KLRG2: variants seen among roughly 807,000 people sequenced by gnomAD.
KLRG2 encodes killer cell lectin-like receptor subfamily G member 2.
KLRG2 carries 39 observed loss-of-function variants against 35.4 expected under a neutral mutation model. The observed-to-expected ratio is 1.10, with a 90% CI of 0.85 to 1.44. The LOEUF (loss-of-function observed/expected upper bound fraction) is 1.44, where lower values mean the gene tolerates loss of function less well. Ranked by LOEUF, KLRG2 falls within the 40% of genes most tolerant of loss-of-function variation. The probability of loss-of-function intolerance (pLI) is 0.00; values close to 1 mark genes in which losing one functional copy is unlikely to be tolerated. For missense variants in KLRG2, 632 were observed against 570.9 expected, an observed-to-expected ratio of 1.11 and a Z score of -1.09; for synonymous variants, 283 against 265.8, an observed-to-expected ratio of 1.06 and a Z score of -0.63.
the KLRG2 span, among the ~76,000 whole-genome samples, chr7:139,434,173 A>G: frequency 0.018 from 2,683 of 152,328 alleles, 81 homozygotes; most frequent in African/African-American, 0.061. Flanking sequence ...GAGAATCACT[A>G]AAGTGTTTCT....
chr7:139,446,460 G>C, the KLRG2 span, among the ~76,000 whole-genome samples: 16 of 146,878 alleles, frequency 1.1e-4, no homozygotes, highest in Non-Finnish European at 2.2e-4. Context: ...AGTGATTCTC[G>C]TGCCTCAGCC....
chr7:139,469,451 C>T (rs543440163), intron 3 of KLRG2, among the ~76,000 whole-genome samples: 5 of 152,210 alleles, frequency 3.3e-5, no homozygotes, highest in South Asian at 4.1e-4. Context: ...TGAGCCACCA[C>T]GCCCAGCCTA....
downstream of KLRG2, among the ~76,000 whole-genome samples, chr7:139,452,376 C>T (rs1796389824): frequency 6.6e-6 from 1 of 152,182 alleles, no homozygotes; most frequent in African/African-American, 2.4e-5. Context: ...GTGCAGCAAA[C>T]CACCATGGCA....
In KLRG2 at chr7:139,480,176, C is replaced by A. The variant is rs771756686; in HGVS notation, c.829G>T (p.Val277Phe). Residue 277 changes from valine (V) to phenylalanine (F), a missense_variant, in exon 2 of 5, where the codon GTT (valine) becomes TTT (phenylalanine). Val to Phe is a conservative substitution (Grantham distance 50, BLOSUM62 -1). Coordinates refer to ENST00000340940, the MANE Select transcript of KLRG2 (RefSeq NM_198508.4). Reference protein sequence around the residue: ...FMAVLLAVSGVVIVVLASRAG... With the variant: ...FMAVLLAVSGFVIVVLASRAG... ...CTTGAGGCCAGGACCACAATGACAA[C>A]CCCAGAGACTGCCAGGAGCACAGCC... 4 of 1,613,784 alleles carry A rather than the reference C, an allele frequency of 2.5e-6. No individual in the cohort carries two copies. The highest frequency in any genetic ancestry group is 3.4e-6 in the Non-Finnish European group (4 of 1,179,776).
chr7:139,446,936 T>A, the KLRG2 span, among the ~76,000 whole-genome samples: 1 of 152,108 alleles, frequency 6.6e-6, no homozygotes, highest in Admixed American at 6.6e-5. Context: ...AAAAAAGGAT[T>A]TTTTAAAGCA....
intron 3 of KLRG2, 110 bp downstream of exon 3, chr7:139,479,517 G>A (rs1585178163): frequency 8.8e-7 from 1 of 1,130,732 alleles, no homozygotes; most frequent in African/African-American, 1.5e-5. Context: ...CTACACCTTG[G>A]TGATTTCTAT....
At chr7:139,430,108 TGAAA>T in the KLRG2 span, among the ~76,000 whole-genome samples, 2 of 152,142 alleles carry the variant, frequency 1.3e-5, no homozygotes, top group Non-Finnish European at 2.9e-5. Flanking sequence ...CATTATGAAA[TGAAA>T]GTTAAAACTG....
the KLRG2 span, among the ~76,000 whole-genome samples, chr7:139,431,177 C>A: frequency 1.3e-5 from 2 of 152,170 alleles, no homozygotes; most frequent in African/African-American, 4.8e-5. Flanking sequence ...ACAATCAATT[C>A]TCTATGTGAA....
chr7:139,457,110 C>G (rs1796490891), intron 3 of KLRG2, among the ~76,000 whole-genome samples: 1 of 152,126 alleles, frequency 6.6e-6, no homozygotes, highest in Non-Finnish European at 1.5e-5. Context: ...CTTCTTGAAT[C>G]CTAAAGACCA....
the KLRG2 span, among the ~76,000 whole-genome samples, chr7:139,445,618 G>A: frequency 2.0e-5 from 3 of 151,100 alleles, no homozygotes; most frequent in African/African-American, 4.9e-5. Flanking sequence ...TGGAATCATC[G>A]GCTTATTGAT....
At chr7:139,471,825 C>T (rs867346091) in intron 3 of KLRG2, among the ~76,000 whole-genome samples, 11 of 152,230 alleles carry the variant, frequency 7.2e-5, no homozygotes, top group African/African-American at 2.4e-4. Context: ...CCTCCACTGT[C>T]ACTCATTGTC....
the KLRG2 span, among the ~76,000 whole-genome samples, chr7:139,446,770 C>T: frequency 1.6e-4 from 24 of 152,016 alleles, no homozygotes; most frequent in Non-Finnish European, 2.9e-4. Flanking sequence ...CAACCTCCTC[C>T]TCCGACATCG....
the KLRG2 span, among the ~76,000 whole-genome samples, chr7:139,432,507 G>T: frequency 6.6e-6 from 1 of 151,462 alleles, no homozygotes; most frequent in Non-Finnish European, 1.5e-5. Context: ...ATATATGTAT[G>T]GTCATTCCTC....
chr7:139,440,702 G>C, the KLRG2 span, among the ~76,000 whole-genome samples: 2 of 151,848 alleles, frequency 1.3e-5, no homozygotes, highest in Non-Finnish European at 2.9e-5. Flanking sequence ...CTTCCCCTTC[G>C]GCCTCCCTAG....
At position 139,460,161 on chromosome 7, in the gene KLRG2, C is replaced by T. The variant is rs116982232; in HGVS notation, c.1006-5947G>A. Among the ~76,000 whole-genome samples, 1,427 of 150,408 alleles carry T rather than the reference C, an allele frequency of 9.5e-3. 10 individuals are homozygous for T. Among genetic ancestry groups the T allele is most frequent in the Non-Finnish European group, 0.014 (930 of 67,672 alleles). ...TTGGCCCCCCAAAGTGTTGGGATTA[C>T]AGGCATGAGCCACTGGGCCCTCCAG... On this transcript the variant is annotated intron_variant, in intron 3 of 4. Coordinates refer to ENST00000340940, the MANE Select transcript of KLRG2 (RefSeq NM_198508.4).
Position 139,483,420 on chromosome 7 carries a change from G to A in KLRG2, c.223C>T (p.Pro75Ser), listed in dbSNP as rs1797007309. 1.3e-6 allele frequency: 2 copies of A among 1,556,276 alleles called. No homozygotes were observed. Among genetic ancestry groups the A allele is most frequent in the African/African-American group, 1.4e-5 (1 of 70,996 alleles). ...SSKKKPPSPR[P>S]GSPRVPPLSL... ...AGCGGCGGCACGCGCGGGGACCCGGGGCGAGGCGAAGGCGGCTTTTTCTTG... is the reference window on the plus strand; with the variant it reads ...AGCGGCGGCACGCGCGGGGACCCGGAGCGAGGCGAAGGCGGCTTTTTCTTG... Residue 75 changes from proline (P) to serine (S), a missense_variant, in exon 1 of 5, where the codon CCC (proline) becomes TCC (serine). Pro to Ser is a moderately conservative substitution (Grantham distance 74). Transcript: ENST00000340940.
Position 139,483,653 on chromosome 7 carries a change from C to A in KLRG2, c.-11G>T. The A allele has an allele frequency of 6.7e-7, 1 of 1,486,802 alleles. No individual in the cohort carries two copies. Among genetic ancestry groups the A allele is most frequent in the East Asian group, 2.6e-5 (1 of 38,224 alleles). 92.1% of individuals were successfully genotyped at this position (1,486,802 alleles called of 1,614,324 possible). A position where few individuals can be genotyped will look rare whatever the true frequency, so the allele number is the denominator to read the frequency against. The stretch of plus-strand genomic sequence containing the variant: ...CCAAGACTCCTCCATCCCGCGCGCC[C>A]CGCCACCCGGAGACGCTGAGGAGCG... On this transcript the variant is annotated 5_prime_UTR_variant, in exon 1 of 5. Coordinates refer to ENST00000340940, the MANE Select transcript of KLRG2 (RefSeq NM_198508.4).
chr7:139,467,670 T>TACCCAGGGA (rs1221210446), intron 3 of KLRG2, among the ~76,000 whole-genome samples: 93 of 150,974 alleles, frequency 6.2e-4, no homozygotes, highest in African/African-American at 2.2e-3. Context: ...CACTCCCTAA[T>TACCCAGGGA]CTCAAGTACC....
At chr7:139,445,682 G>C in the KLRG2 span, among the ~76,000 whole-genome samples, 1 of 148,928 alleles carries the variant, frequency 6.7e-6, no homozygotes, top group Non-Finnish European at 1.5e-5. Context: ...TGGATCGAGG[G>C]TTCTTAACCA....
Sources: gnomAD v4.1 joint callset for allele counts (sites outside exome capture counted in the v4.1 genomes callset) on GRCh38, gnomAD v4.1.1 for gene constraint, MANE v1.5 for transcripts, NCBI Gene and HGNC (gene_info 2026-07-23, HGNC 2026-07-21) for gene names.